Variants in CNTN4 observed in about 807,000 individuals in gnomAD.
CNTN4 encodes contactin 4.
A neutral mutation model predicts 122.5 loss-of-function variants in CNTN4; 77 were observed. The ratio of observed to expected loss-of-function variants is 0.63; its 90% confidence interval spans 0.52 to 0.76. The LOEUF (loss-of-function observed/expected upper bound fraction) is 0.76. CNTN4 is among the 30% of genes least tolerant of loss of function. CNTN4 has a pLI of 0.00. For synonymous variants in CNTN4, 512 were observed against 447.0 expected (o/e 1.15, Z -1.83); for missense variants, 1,256 against 1,259.1 (o/e 1.00, Z 0.04).
At chr3:2,883,367 C>A (rs1359635045) in intron 9 of CNTN4, 120 bp downstream of exon 9, 5 of 742,050 alleles carry the variant, frequency 6.7e-6, no homozygotes, top group Non-Finnish European at 1.2e-5. Flanking sequence ...AAGCCTTTCT[C>A]TTTGTAATTC....
At position 2,647,484 on chromosome 3, in the gene CNTN4, C is replaced by T. The variant is rs536513289; in HGVS notation, c.55+75926C>T. Among the ~76,000 whole-genome samples, 9 of 152,282 alleles carry T rather than the reference C, an allele frequency of 5.9e-5. No homozygotes were observed. The East Asian group carries it at 1.2e-3, about 20-fold the overall frequency. On this transcript the variant is annotated intron_variant, in intron 4 of 24. Coordinates refer to ENST00000418658, the MANE Select transcript of CNTN4 (RefSeq NM_175607.3). ...TTTTCTGCAGCTACAGCCATGCTTT[C>T]AAAGCTATACTTTTATTTTCTCCCC...
rs142379097 is a variant in CNTN4 at position 2,554,846 on chromosome 3, G to A, written c.-88-16570G>A. Among the ~76,000 whole-genome samples the A allele has an allele frequency of 4.5e-4, 68 of 152,286 alleles. No homozygotes were observed. In the East Asian group the frequency reaches 0.013, roughly 29 times the overall value. ...CTAGTCGTTGCTAAACATGACAGGGGCCCCAAATGAGGTCCCAAAATGAGT... is the reference window on the plus strand; with the variant it reads ...CTAGTCGTTGCTAAACATGACAGGGACCCCAAATGAGGTCCCAAAATGAGT... On this transcript the variant is annotated intron_variant, in intron 3 of 24. Transcript: ENST00000418658.
intron 19 of CNTN4, 41 bp from the exon 20 acceptor site, chr3:3,039,996 A>G (rs753957825): frequency 4.6e-5 from 63 of 1,383,476 alleles, no homozygotes; most frequent in Non-Finnish European, 6.2e-5. Flanking sequence ...ATTTGAGTGA[A>G]ACTACTGTGA....
At chr3:2,471,922 C>G (rs576536185) in intron 3 of CNTN4, among the ~76,000 whole-genome samples, 1 of 152,204 alleles carries the variant, frequency 6.6e-6, no homozygotes, top group African/African-American at 2.4e-5. Context: ...AGATGTGGCA[C>G]AAAATGTGAT....
chr3:2,332,714 A>C (rs1404728863), intron 2 of CNTN4, among the ~76,000 whole-genome samples: 3 of 105,978 alleles, frequency 2.8e-5, no homozygotes, highest in East Asian at 6.2e-4. Context: ...CACTCTGGGG[A>C]CTGTTGTGGG....
At chr3:2,791,516 G>A (rs2092009161) in intron 6 of CNTN4, among the ~76,000 whole-genome samples, 1 of 146,534 alleles carries the variant, frequency 6.8e-6, no homozygotes, top group Non-Finnish European at 1.5e-5. Flanking sequence ...CTGGGTGATG[G>A]AGTGAGATCC....
At chr3:2,237,170 T>G (rs2039713248) in intron 2 of CNTN4, among the ~76,000 whole-genome samples, 4 of 152,008 alleles carry the variant, frequency 2.6e-5, no homozygotes, top group East Asian at 1.9e-4. Flanking sequence ...CTAAAGTTTG[T>G]GGAGTCAGTA....
chr3:2,733,790 T>G (rs2088878140), intron 4 of CNTN4, among the ~76,000 whole-genome samples: 1 of 152,164 alleles, frequency 6.6e-6, no homozygotes. Context: ...CACCTCGGCC[T>G]CCCAAAGTGC....
intron 4 of CNTN4, among the ~76,000 whole-genome samples, chr3:2,648,627 G>A (rs191880124): frequency 3.3e-5 from 5 of 152,036 alleles, no homozygotes; most frequent in Admixed American, 3.3e-4. Context: ...CCTTCTCCTG[G>A]GGCCTCCCTT....
intron 4 of CNTN4, among the ~76,000 whole-genome samples, chr3:2,701,677 A>T (rs2086368080): frequency 6.6e-6 from 1 of 152,136 alleles, no homozygotes; most frequent in African/African-American, 2.4e-5. Flanking sequence ...TGTTTTACAG[A>T]TGAGATAACT....
At chr3:2,233,055 GAGCAGTCA>G (rs1384104433) in intron 2 of CNTN4, among the ~76,000 whole-genome samples, 3 of 152,162 alleles carry the variant, frequency 2.0e-5, no homozygotes, top group Non-Finnish European at 4.4e-5. Flanking sequence ...CGCCTGTTAA[GAGCAGTCA>G]AACTATTCAA....
rs550517889 is a variant in CNTN4 at position 2,385,793 on chromosome 3, C to T, written c.-89+46560C>T. On this transcript the variant is annotated intron_variant, in intron 3 of 24. Coordinates refer to ENST00000418658, the MANE Select transcript of CNTN4 (RefSeq NM_175607.3). This position sits in a 1 kb window ranked among gnomAD's most constrained non-coding sequence, Gnocchi z 4.0. ...TAATGAACTCATCTTAACTTGGTTA[C>T]ATTTGCAAAGACCCTGCTTCCAAAT... is the stretch of plus-strand genomic sequence containing the variant. Among the ~76,000 whole-genome samples the T allele has an allele frequency of 6.6e-6, 1 of 152,196 alleles. No individual in the cohort carries two copies. Among genetic ancestry groups the T allele is most frequent in the East Asian group, 1.9e-4 (1 of 5,158 alleles).
At chr3:2,217,138 G>A (rs1231573974) in intron 2 of CNTN4, among the ~76,000 whole-genome samples, 1 of 152,092 alleles carries the variant, frequency 6.6e-6, no homozygotes, top group Non-Finnish European at 1.5e-5. Context: ...CTGAAATTCA[G>A]TCTGCTTCCC....
chr3:2,504,076 A>G (rs1238718862), intron 3 of CNTN4, among the ~76,000 whole-genome samples: 2 of 152,230 alleles, frequency 1.3e-5, no homozygotes, highest in African/African-American at 4.8e-5. Flanking sequence ...TTTAGAGATC[A>G]ATAAATGGTA....
intron 17 of CNTN4, among the ~76,000 whole-genome samples, chr3:3,035,486 G>C (rs1202225653): frequency 6.6e-6 from 1 of 152,126 alleles, no homozygotes; most frequent in Non-Finnish European, 1.5e-5. Flanking sequence ...TCACTTAATA[G>C]TCACAGACTT....
chr3:2,226,680 T>A (rs953348928), intron 2 of CNTN4, among the ~76,000 whole-genome samples: 4 of 152,166 alleles, frequency 2.6e-5, no homozygotes, highest in African/African-American at 9.7e-5. Flanking sequence ...AGTTCTTCAT[T>A]AAGAACTTTA....
intron 13 of CNTN4, among the ~76,000 whole-genome samples, chr3:2,933,060 G>T (rs542802247): frequency 6.6e-5 from 10 of 152,140 alleles, no homozygotes; most frequent in Non-Finnish European, 1.5e-4. Context: ...CTGACCTCGT[G>T]ATCCGCCCGC....
chr3:2,376,658 A>G (rs1355215509), intron 3 of CNTN4, among the ~76,000 whole-genome samples: 1 of 146,972 alleles, frequency 6.8e-6, no homozygotes, highest in African/African-American at 2.6e-5. Flanking sequence ...TTGTTTCTGT[A>G]TAATTTTGTG....
chr3:2,539,600 G>T (rs992758198), intron 3 of CNTN4, among the ~76,000 whole-genome samples: 3 of 152,004 alleles, frequency 2.0e-5, no homozygotes, highest in Non-Finnish European at 4.4e-5. Flanking sequence ...AGCAAACTTT[G>T]ACTCTTTGCC....
Sources: gnomAD v4.1 joint callset for allele counts (sites outside exome capture counted in the v4.1 genomes callset) on GRCh38, gnomAD v4.1.1 for gene constraint, Gnocchi (gnomAD v3.1) non-coding constraint, MANE v1.5 for transcripts, NCBI Gene and HGNC (gene_info 2026-07-23, HGNC 2026-07-21) for gene names.